Variants in GEMIN7 observed in about 807,000 individuals in gnomAD.
GEMIN7 encodes the protein gem-associated protein 7.
GEMIN7 carries 7 observed loss-of-function variants against 7.8 expected under a neutral mutation model. That is an observed-to-expected ratio of 0.90 (90% confidence interval 0.51 to 1.69). GEMIN7 has a LOEUF of 1.69. Among genes scored for constraint, GEMIN7 ranks in the 40% most tolerant of loss-of-function variants. The pLI is 0.00. For missense variants in GEMIN7, 159 were observed against 176.2 expected (o/e 0.90, Z 0.55); for synonymous variants, 68 against 72.4 (o/e 0.94, Z 0.31).
chr19:45,076,384 C>CCGGGCGAGCGAGCGGGCGGGCAGG, upstream of GEMIN7: 1 of 1,289,682 alleles, frequency 7.8e-7, no homozygotes, highest in Non-Finnish European at 9.8e-7. This position sits in a 1 kb window ranked among gnomAD's most constrained non-coding sequence, Gnocchi z 4.9. Context: ...GAGTCGCGGG[C>CCGGGCGAGCGAGCGGGCGGGCAGG]CGGGCGAGCG....
At chr19:45,076,107 G>C, upstream of GEMIN7, 9 of 1,575,716 alleles carry the variant, frequency 5.7e-6, no homozygotes, top group Non-Finnish European at 7.7e-6. The surrounding 1 kb of genome is among the most constrained non-coding windows in gnomAD (Gnocchi z 4.9). Flanking sequence ...GCGTCCACAG[G>C]GTCCACGGGT....
At chr19:45,088,865 A>G (rs1967792016) in intron 2 of GEMIN7, among the ~76,000 whole-genome samples, 1 of 152,020 alleles carries the variant, frequency 6.6e-6, no homozygotes, top group Non-Finnish European at 1.5e-5. Flanking sequence ...TGCCCTTTAC[A>G]GTGAATGAAT....
At chr19:45,080,322 G>A (rs781524589) in intron 2 of GEMIN7, among the ~76,000 whole-genome samples, 8 of 151,794 alleles carry the variant, frequency 5.3e-5, no homozygotes, top group Non-Finnish European at 1.2e-4. Flanking sequence ...CACGGGTGAG[G>A]ACCAGAGTTT....
chr19:45,081,166 A>T (rs1475052414), intron 2 of GEMIN7, among the ~76,000 whole-genome samples: 1 of 152,172 alleles, frequency 6.6e-6, no homozygotes, highest in African/African-American at 2.4e-5. Flanking sequence ...TGTGCTTTTT[A>T]AAAAATTAGA....
intron 2 of GEMIN7, among the ~76,000 whole-genome samples, chr19:45,086,895 G>A (rs1224234365): frequency 6.6e-6 from 1 of 152,042 alleles, no homozygotes; most frequent in Non-Finnish European, 1.5e-5. Flanking sequence ...CGCCCAGGCT[G>A]GAGTGCAGTG....
At chr19:45,078,637 G>C (rs1485963927), upstream of GEMIN7, among the ~76,000 whole-genome samples, 1 of 152,086 alleles carries the variant, frequency 6.6e-6, no homozygotes. Context: ...ACCAAATTGT[G>C]TACCTGGCAC....
At chr19:45,083,026 G>A (rs1171509044) in intron 2 of GEMIN7, among the ~76,000 whole-genome samples, 2 of 152,168 alleles carry the variant, frequency 1.3e-5, no homozygotes, top group African/African-American at 2.4e-5. Context: ...TTTCCATATT[G>A]TCTATGGCTG....
At chr19:45,084,551 T>C (rs1171008910) in intron 2 of GEMIN7, among the ~76,000 whole-genome samples, 1 of 151,882 alleles carries the variant, frequency 6.6e-6, no homozygotes, top group Non-Finnish European at 1.5e-5. Flanking sequence ...TACAGGTGTG[T>C]GCCACCATGC....
chr19:45,085,949 G>A (rs1303177577), intron 2 of GEMIN7, among the ~76,000 whole-genome samples: 47 of 140,792 alleles, frequency 3.3e-4, no homozygotes, highest in African/African-American at 1.3e-3. Context: ...CTCACTGCAA[G>A]CTCCGCCTCC....
At chr19:45,084,789 C>T (rs185662266) in intron 2 of GEMIN7, among the ~76,000 whole-genome samples, 22 of 152,320 alleles carry the variant, frequency 1.4e-4, no homozygotes, top group Admixed American at 8.5e-4. Context: ...GAGTTTCACT[C>T]TTGTTGCCTA....
At chr19:45,079,532 A>G (rs1967427762) in intron 1 of GEMIN7, among the ~76,000 whole-genome samples, 155 bp downstream of exon 1, 1 of 152,222 alleles carries the variant, frequency 6.6e-6, no homozygotes, top group Non-Finnish European at 1.5e-5. Flanking sequence ...TCCGGAAAAT[A>G]ATAAATGGCC....
chr19:45,076,584 C>G (rs1002475825), upstream of GEMIN7: 1 of 351,430 alleles, frequency 2.8e-6, no homozygotes, highest in Admixed American at 4.8e-5. This position sits in a 1 kb window ranked among gnomAD's most constrained non-coding sequence, Gnocchi z 4.9. Flanking sequence ...GGGGCCCTGA[C>G]GGCGGCCTAA....
At chr19:45,081,654 T>A (rs1967508538) in intron 2 of GEMIN7, among the ~76,000 whole-genome samples, 1 of 151,726 alleles carries the variant, frequency 6.6e-6, no homozygotes, top group Non-Finnish European at 1.5e-5. Context: ...TGAGATGGAG[T>A]CTCACTCTGT....
chr19:45,087,498 C>G (rs1478887343), intron 2 of GEMIN7, among the ~76,000 whole-genome samples: 1 of 152,066 alleles, frequency 6.6e-6, no homozygotes, highest in East Asian at 1.9e-4. Context: ...GCTGGAGATC[C>G]AGCAGTGGGA....
At position 45,087,608 on chromosome 19, in the gene GEMIN7, C is replaced by T. The variant is rs944828015; in HGVS notation, c.-8-2499C>T. On this transcript the variant is annotated intron_variant, in intron 2 of 2. Transcript: ENST00000270257. ...AGCCCAAGAAGGGATTGCCAGGCAT[C>T]GCGCCTGAGGATCAGCGAGGAGGCC... Among the ~76,000 whole-genome samples the T allele has an allele frequency of 2.6e-5, 4 of 152,270 alleles. No individual in the cohort carries two copies. In the South Asian group the frequency reaches 6.2e-4, roughly 24 times the overall value.
chr19:45,084,376 T>C (rs1967607310), intron 2 of GEMIN7, among the ~76,000 whole-genome samples: 1 of 87,064 alleles, frequency 1.1e-5, no homozygotes, highest in African/African-American at 5.5e-5. Flanking sequence ...TAAAATAAAA[T>C]AAAATTAATT....
chr19:45,085,519 A>T (rs1408386090), intron 2 of GEMIN7: 2 of 152,226 alleles, frequency 1.3e-5, no homozygotes, highest in Non-Finnish European at 2.9e-5. Context: ...CATAGCAGAT[A>T]ATTATCCAGC....
Position 45,091,493 on chromosome 19 carries a change from G to A in GEMIN7, c.*983G>A, listed in dbSNP as rs1179981763. On this transcript the variant is annotated 3_prime_UTR_variant, in exon 3 of 3. Coordinates refer to ENST00000270257, the MANE Select transcript of GEMIN7 (RefSeq NM_024707.3). The stretch of plus-strand genomic sequence containing the variant: ...GGATGTAAGCGAAGCCTTCCATTAA[G>A]TAAAGGTGAGTGTCGTTTCGTCTCA... 2 of 166,034 alleles carry A rather than the reference G, an allele frequency of 1.2e-5. No individual in the cohort carries two copies. The highest frequency in any genetic ancestry group is 1.3e-4 in the Admixed American group (2 of 15,294). The allele number at this position is 166,034 out of a possible 1,614,324, so 10.3% of individuals were successfully genotyped here.
chr19:45,086,060 G>A (rs918486010), intron 2 of GEMIN7, among the ~76,000 whole-genome samples: 3 of 151,498 alleles, frequency 2.0e-5, no homozygotes, highest in Admixed American at 6.6e-5. Flanking sequence ...ATAGAGATGG[G>A]GTTTCACCTT....
Sources: gnomAD v4.1 joint callset for allele counts (sites outside exome capture counted in the v4.1 genomes callset) on GRCh38, gnomAD v4.1.1 for gene constraint, Gnocchi (gnomAD v3.1) non-coding constraint, MANE v1.5 for transcripts, NCBI Gene and HGNC (gene_info 2026-07-23, HGNC 2026-07-21) for gene names.